NELL1: variants seen among roughly 807,000 people sequenced by gnomAD.
NELL1 encodes the protein neural EGFL like 1, also known as protein kinase C-binding protein NELL1.
In NELL1, 76 loss-of-function variants were observed where a neutral mutation model predicts 107.4. The ratio of observed to expected loss-of-function variants is 0.71; its 90% CI spans 0.59 to 0.86. The LOEUF (loss-of-function observed/expected upper bound fraction) is 0.86, where lower values mean the gene tolerates loss of function less well. Ranked by LOEUF, NELL1 falls within the 40% of genes least tolerant of loss-of-function variation. NELL1 has a pLI of 0.00. For synonymous variants in NELL1, 353 were observed against 341.2 expected, an observed-to-expected ratio of 1.03 and a Z score of -0.38; for missense variants, 1,024 against 1,005.5, an observed-to-expected ratio of 1.02 and a Z score of -0.25.
intron 14 of NELL1, among the ~76,000 whole-genome samples, chr11:21,301,936 G>A (rs1849499725): frequency 6.6e-6 from 1 of 151,994 alleles, no homozygotes; most frequent in South Asian, 2.1e-4. Context: ...CATCAATGAA[G>A]AAATTGAGGT....
At chr11:21,238,333 TA>T (rs1047799350) in intron 14 of NELL1, among the ~76,000 whole-genome samples, 1 of 151,828 alleles carries the variant, frequency 6.6e-6, no homozygotes, top group East Asian at 1.9e-4. Flanking sequence ...AATATTGCCC[TA>T]AAAAAAAGTA....
At chr11:21,168,977 A>G (rs1475421331) in intron 13 of NELL1, among the ~76,000 whole-genome samples, 2 of 151,904 alleles carry the variant, frequency 1.3e-5, no homozygotes, top group Admixed American at 1.3e-4. Context: ...TCAATTCTGT[A>G]TTGGTGATGC....
chr11:21,055,485 T>G (rs1853590387), intron 12 of NELL1, among the ~76,000 whole-genome samples: 1 of 152,186 alleles, frequency 6.6e-6, no homozygotes, highest in African/African-American at 2.4e-5. Context: ...AATAAAATTT[T>G]GAAGCTTATT....
intron 15 of NELL1, among the ~76,000 whole-genome samples, chr11:21,515,960 C>T (rs1855551166): frequency 6.6e-6 from 1 of 152,190 alleles, no homozygotes; most frequent in African/African-American, 2.4e-5. Flanking sequence ...GTATTATTCA[C>T]ACTGCATTTC....
chr11:21,279,695 A>G (rs532377264), intron 14 of NELL1, among the ~76,000 whole-genome samples: 2 of 152,332 alleles, frequency 1.3e-5, no homozygotes, highest in South Asian at 4.1e-4. Flanking sequence ...TTACCATGCG[A>G]TACAGCAATT....
intron 3 of NELL1, among the ~76,000 whole-genome samples, chr11:20,837,623 G>A (rs1390586255): frequency 6.6e-6 from 1 of 152,036 alleles, no homozygotes; most frequent in East Asian, 1.9e-4. Flanking sequence ...TGAGCATCTT[G>A]TAGTACTAGA....
intron 15 of NELL1, among the ~76,000 whole-genome samples, chr11:21,473,905 G>A (rs1019270883): frequency 5.3e-5 from 8 of 151,998 alleles, no homozygotes; most frequent in African/African-American, 1.9e-4. Context: ...CATGCTTCAA[G>A]GTGTCTGTTC....
intron 14 of NELL1, among the ~76,000 whole-genome samples, chr11:21,324,210 T>C (rs1850077371): frequency 6.6e-6 from 1 of 152,120 alleles, no homozygotes; most frequent in South Asian, 2.1e-4. Flanking sequence ...GATTCCAGAC[T>C]TAAAAGCTCA....
intron 14 of NELL1, among the ~76,000 whole-genome samples, chr11:21,257,356 G>C (rs1485933466): frequency 6.6e-6 from 1 of 151,988 alleles, no homozygotes; most frequent in African/African-American, 2.4e-5. Context: ...AATGTAGTTA[G>C]GATTTTATGA....
chr11:20,842,145 G>A (rs188747291), intron 3 of NELL1, among the ~76,000 whole-genome samples: 2 of 152,292 alleles, frequency 1.3e-5, no homozygotes, highest in African/African-American at 4.8e-5. Flanking sequence ...GGGAGGCCGA[G>A]GTGGGCGGAT....
intron 15 of NELL1, among the ~76,000 whole-genome samples, chr11:21,521,576 A>AT: frequency 6.6e-6 from 1 of 151,790 alleles, no homozygotes; most frequent in Non-Finnish European, 1.5e-5. Context: ...CTAGATTTGT[A>AT]TTTTTTTCCT....
intron 2 of NELL1, among the ~76,000 whole-genome samples, chr11:20,731,341 G>A (rs767061552): frequency 3.9e-5 from 6 of 152,228 alleles, no homozygotes; most frequent in African/African-American, 1.4e-4. Flanking sequence ...AAATTATTAT[G>A]TTGGGTTTAC....
chr11:20,830,502 A>G (rs1857986427), intron 3 of NELL1, among the ~76,000 whole-genome samples: 1 of 151,562 alleles, frequency 6.6e-6, no homozygotes, highest in Non-Finnish European at 1.5e-5. Context: ...ACTCCTGGCT[A>G]ATTTTTTGTA....
At position 20,968,643 on chromosome 11, in the gene NELL1, A is replaced by G. The variant is rs900466672; in HGVS notation, c.1300+8083A>G. ...GTCCCTTCATTTTGATAAAAAGATA[A>G]TGGTTTTTCAAAAAATCATTTTATC... On this transcript the variant is annotated intron_variant, in intron 12 of 19. Coordinates refer to ENST00000357134, the MANE Select transcript of NELL1 (RefSeq NM_006157.5). 9.8e-5 allele frequency among the ~76,000 whole-genome samples: 15 copies of G among 152,288 alleles called. No homozygotes were observed. In the East Asian group the frequency reaches 2.9e-3, roughly 29 times the overall value.
At chr11:21,271,234 A>T (rs1026283115) in intron 14 of NELL1, among the ~76,000 whole-genome samples, 2 of 152,174 alleles carry the variant, frequency 1.3e-5, no homozygotes, top group Non-Finnish European at 2.9e-5. Context: ...AACAAAATTG[A>T]TGAACCTCCA....
intron 3 of NELL1, among the ~76,000 whole-genome samples, chr11:20,797,590 C>CA (rs1327244101): frequency 8.8e-6 from 1 of 114,144 alleles, no homozygotes; most frequent in Non-Finnish European, 1.8e-5. Context: ...AAAAAAAAGA[C>CA]AGGAGGTTGC....
intron 13 of NELL1, among the ~76,000 whole-genome samples, chr11:21,168,838 A>C (rs1856541622): frequency 6.6e-6 from 1 of 151,852 alleles, no homozygotes; most frequent in South Asian, 2.1e-4. Context: ...CAGGCACAGA[A>C]TTGTTTCTCT....
rs369820331 is a variant in NELL1 at position 21,293,142 on chromosome 11, C to T, written c.1549+63688C>T. 1.7e-4 allele frequency among the ~76,000 whole-genome samples: 26 copies of T among 152,198 alleles called. 1 individual carries two copies. The South Asian group carries it at 5.2e-3, about 30-fold the overall frequency. On this transcript the variant is annotated intron_variant, in intron 14 of 19. Transcript: ENST00000357134. ...AACTATCATCGGAGTGAACAGGCAA[C>T]CTACAGAATGGGAGAAAATTTTTGC...
At chr11:21,120,612 G>C (rs1443728772) in intron 13 of NELL1, among the ~76,000 whole-genome samples, 1 of 152,062 alleles carries the variant, frequency 6.6e-6, no homozygotes, top group Non-Finnish European at 1.5e-5. Context: ...TCTCAGCAGA[G>C]GTGATACATT....
Sources: gnomAD v4.1 joint callset for allele counts (sites outside exome capture counted in the v4.1 genomes callset) on GRCh38, gnomAD v4.1.1 for gene constraint, MANE v1.5 for transcripts, NCBI Gene and HGNC (gene_info 2026-07-23, HGNC 2026-07-21) for gene names.